SPTLC2: variants seen among roughly 807,000 people sequenced by gnomAD.
The protein encoded by SPTLC2 is serine palmitoyltransferase 2.
Under a neutral mutation model 62.0 loss-of-function variants are expected in SPTLC2, and 21 were observed. The ratio of observed to expected loss-of-function variants is 0.34; its 90% CI spans 0.24 to 0.49. SPTLC2 has a LOEUF of 0.49. Among genes scored for constraint, SPTLC2 ranks in the 20% least tolerant of loss-of-function variants. The pLI is 0.99. For synonymous variants in SPTLC2, 261 were observed against 261.8 expected (o/e 1.00, Z 0.03); for missense variants, 511 against 713.0 (o/e 0.72, Z 3.23).
intron 5 of SPTLC2, among the ~76,000 whole-genome samples, chr14:77,564,623 A>C (rs1273976562): frequency 1.3e-5 from 2 of 152,106 alleles, no homozygotes; most frequent in African/African-American, 4.8e-5. Context: ...AGAACTGGTT[A>C]ATTCCAAAAC....
At chr14:77,568,267 A>G (rs950144241) in intron 5 of SPTLC2, among the ~76,000 whole-genome samples, 1 of 152,134 alleles carries the variant, frequency 6.6e-6, no homozygotes, top group African/African-American at 2.4e-5. Context: ...GGTTTTCCAG[A>G]TATCTTTGTG....
intron 9 of SPTLC2, among the ~76,000 whole-genome samples, chr14:77,543,433 C>T (rs2079512095): frequency 6.6e-6 from 1 of 152,140 alleles, no homozygotes; most frequent in Non-Finnish European, 1.5e-5. Flanking sequence ...CAGATGAAGA[C>T]AGCTAGCAAA....
intron 11 of SPTLC2, among the ~76,000 whole-genome samples, chr14:77,513,080 C>G (rs2079341382): frequency 8.5e-6 from 1 of 117,950 alleles, no homozygotes; most frequent in Non-Finnish European, 1.6e-5. Flanking sequence ...GGCTGGAGTA[C>G]AGTGGCACCA....
At chr14:77,521,735 A>C in intron 9 of SPTLC2, 154 bp from the exon 10 acceptor site, 1 of 697,650 alleles carries the variant, frequency 1.4e-6, no homozygotes, top group East Asian at 2.7e-5. Flanking sequence ...AACCATATGG[A>C]ATATAAATGT....
rs75656301 is a variant in SPTLC2, at chr14:77,591,445, T to C, written c.327+5741A>G. Among the ~76,000 whole-genome samples, 1,462 of 152,334 alleles carry C rather than the reference T, an allele frequency of 9.6e-3. 26 individuals are homozygous for C. The highest frequency in any genetic ancestry group is 0.033 in the African/African-American group (1,389 of 41,574). On this transcript the variant is annotated intron_variant, in intron 2 of 11. Transcript: ENST00000216484. ...AACTCTGTAGATATACTAAAAACCA[T>C]TGTATCGTACACTTTAAATAGGTAA...
intron 9 of SPTLC2, among the ~76,000 whole-genome samples, chr14:77,527,310 C>T (rs2079414268): frequency 6.6e-6 from 1 of 151,976 alleles, no homozygotes; most frequent in Non-Finnish European, 1.5e-5. Context: ...GTTGGCCAGG[C>T]TGGTCTAAAA....
chr14:77,574,411 T>C (rs1375873833), intron 4 of SPTLC2, among the ~76,000 whole-genome samples: 1 of 152,130 alleles, frequency 6.6e-6, no homozygotes, highest in East Asian at 1.9e-4. Flanking sequence ...TGTAAAACAG[T>C]ACGGTCTCTT....
chr14:77,574,447 A>G (rs1258680657), intron 4 of SPTLC2, among the ~76,000 whole-genome samples: 1 of 152,244 alleles, frequency 6.6e-6, no homozygotes, highest in Non-Finnish European at 1.5e-5. Context: ...CAATTCCTCA[A>G]AAAGTCAAAC....
chr14:77,520,910 G>A (rs921640495), intron 10 of SPTLC2, among the ~76,000 whole-genome samples: 2 of 152,224 alleles, frequency 1.3e-5, no homozygotes, highest in Non-Finnish European at 2.9e-5. Flanking sequence ...GCTCGCTTCT[G>A]TACTGTGGCC....
At chr14:77,529,579 T>C (rs1000030060) in intron 9 of SPTLC2, among the ~76,000 whole-genome samples, 1 of 150,882 alleles carries the variant, frequency 6.6e-6, no homozygotes, top group Non-Finnish European at 1.5e-5. Context: ...AATTAATGTT[T>C]GCTTTTTTTC....
At position 77,564,254 on chromosome 14, in the gene SPTLC2, G is replaced by A. The variant is rs114201134; in HGVS notation, c.757-1765C>T. Among the ~76,000 whole-genome samples, 401 of 91,658 alleles carry A rather than the reference G, an allele frequency of 4.4e-3. 4 individuals are homozygous for A. The highest frequency in any genetic ancestry group is 8.4e-3 in the African/African-American group (222 of 26,346). 60.1% of individuals were successfully genotyped at this position (91,658 alleles called of 152,430 possible). A position where few individuals can be genotyped will look rare whatever the true frequency, so the allele number is the denominator to read the frequency against. ...CTGGGGGGAAAAAAAAAAAAAAAAG[G>A]AGGAGGAGGAGGAAGAGGAGGAAGA... On this transcript the variant is annotated intron_variant, in intron 5 of 11. Coordinates refer to ENST00000216484, the MANE Select transcript of SPTLC2 (RefSeq NM_004863.4).
At position 77,552,015 on chromosome 14, in the gene SPTLC2, T is replaced by C; in HGVS notation, c.1303+81A>G. 1.9e-6 allele frequency: 3 copies of C among 1,574,226 alleles called. No homozygotes were observed. The South Asian group carries it at 3.5e-5, about 18-fold the overall frequency. ...CCTATTAGTAAACCTGACTATTTAT[T>C]TTAGGAAAAAAGCTCAAGAAAAACA... is the stretch of plus-strand genomic sequence containing the variant. On this transcript the variant is annotated intron_variant, in intron 9 of 11. Transcript: ENST00000216484.
intron 9 of SPTLC2, among the ~76,000 whole-genome samples, chr14:77,545,559 G>A (rs140375030): frequency 2.0e-5 from 3 of 152,258 alleles, no homozygotes; most frequent in East Asian, 1.9e-4. Context: ...GTGAGCCATC[G>A]TGCCCGGCCG....
intron 6 of SPTLC2, among the ~76,000 whole-genome samples, chr14:77,559,839 T>C (rs1334376042): frequency 6.6e-6 from 1 of 151,994 alleles, no homozygotes; most frequent in African/African-American, 2.4e-5. Flanking sequence ...TGTGGTGAGT[T>C]GTGGTTCTGC....
chr14:77,530,870 G>A (rs2079434873), intron 9 of SPTLC2, among the ~76,000 whole-genome samples: 1 of 152,154 alleles, frequency 6.6e-6, no homozygotes, highest in African/African-American at 2.4e-5. Context: ...ATTTAACGTA[G>A]GAATTTAGAA....
chr14:77,543,318 C>T (rs1455093808), intron 9 of SPTLC2, among the ~76,000 whole-genome samples: 1 of 152,068 alleles, frequency 6.6e-6, no homozygotes, highest in Admixed American at 6.6e-5. Flanking sequence ...CTCAGAAAGT[C>T]TTAATGGACC....
rs192347495 is a variant in SPTLC2, at chr14:77,572,067, C to T, written c.632-1559G>A. On this transcript the variant is annotated intron_variant, in intron 4 of 11. Coordinates refer to ENST00000216484, the MANE Select transcript of SPTLC2 (RefSeq NM_004863.4). ...CCTCCCAAAGTGTTGGGATTACAGG[C>T]GTGAGCCACCGCATCCAGCCGAGCA... 5.1e-4 allele frequency among the ~76,000 whole-genome samples: 78 copies of T among 152,320 alleles called. No individual in the cohort carries two copies. The East Asian group carries it at 0.013, about 25-fold the overall frequency.
At chr14:77,535,826 T>C in intron 9 of SPTLC2, 1 of 360,156 alleles carries the variant, frequency 2.8e-6, no homozygotes, top group South Asian at 2.1e-5. Flanking sequence ...TAAAACCAGG[T>C]GAAAGTGGAC....
chr14:77,512,978 G>A (rs1415471272), intron 11 of SPTLC2, among the ~76,000 whole-genome samples: 2 of 144,786 alleles, frequency 1.4e-5, no homozygotes. Flanking sequence ...GCCTCCCAAA[G>A]TGTTGGGATT....
Sources: gnomAD v4.1 joint callset for allele counts (sites outside exome capture counted in the v4.1 genomes callset) on GRCh38, gnomAD v4.1.1 for gene constraint, MANE v1.5 for transcripts, NCBI Gene and HGNC (gene_info 2026-07-23, HGNC 2026-07-21) for gene names.